Variants in FSTL5 observed in about 807,000 individuals in gnomAD.
FSTL5 encodes follistatin like 5.
A neutral mutation model predicts 89.1 loss-of-function variants in FSTL5; 62 were observed. That is an observed-to-expected ratio of 0.70 (90% CI 0.57 to 0.86). FSTL5 has a LOEUF of 0.86. Ranked by LOEUF, FSTL5 falls within the 40% of genes least tolerant of loss-of-function variation. The pLI, the probability that FSTL5 is intolerant of heterozygous loss-of-function variation, is 0.00. For missense variants in FSTL5, 1,057 were observed against 1,001.6 expected (o/e 1.06, Z -0.75); for synonymous variants, 383 against 346.2 (o/e 1.11, Z -1.18).
At chr4:161,608,664 T>C (rs918504230) in intron 7 of FSTL5, among the ~76,000 whole-genome samples, 1 of 152,070 alleles carries the variant, frequency 6.6e-6, no homozygotes, top group Non-Finnish European at 1.5e-5. Flanking sequence ...GTAAATGCAG[T>C]ATAATTTACA....
chr4:161,825,567 ATTG>A (rs1730642558), intron 4 of FSTL5, among the ~76,000 whole-genome samples: 1 of 151,848 alleles, frequency 6.6e-6, no homozygotes, highest in African/African-American at 2.4e-5. Flanking sequence ...AATATTGCTG[ATTG>A]TTATTTGTCT....
chr4:161,547,630 C>CA (rs1380851700), intron 8 of FSTL5, among the ~76,000 whole-genome samples: 11 of 151,670 alleles, frequency 7.3e-5, no homozygotes, highest in Non-Finnish European at 1.3e-4. Context: ...TATAGACATT[C>CA]AAAAAATCAC....
intron 15 of FSTL5, among the ~76,000 whole-genome samples, chr4:161,406,290 A>G (rs1048822966): frequency 6.6e-6 from 1 of 152,082 alleles, no homozygotes; most frequent in Non-Finnish European, 1.5e-5. Flanking sequence ...TTTTACTTAG[A>G]GTGTATTAAT....
chr4:161,587,869 T>C (rs1578947924), intron 7 of FSTL5, among the ~76,000 whole-genome samples: 1 of 152,186 alleles, frequency 6.6e-6, no homozygotes, highest in African/African-American at 2.4e-5. Flanking sequence ...TCTAATTTAG[T>C]TCCCATTTTT....
intron 10 of FSTL5, among the ~76,000 whole-genome samples, chr4:161,523,639 T>C (rs1317698078): frequency 6.6e-6 from 1 of 152,194 alleles, no homozygotes; most frequent in Non-Finnish European, 1.5e-5. Context: ...AGGAAGATAA[T>C]TGAAAACCCA....
At chr4:161,410,630 G>T (rs548840541) in intron 15 of FSTL5, among the ~76,000 whole-genome samples, 7 of 152,154 alleles carry the variant, frequency 4.6e-5, no homozygotes, top group Non-Finnish European at 8.8e-5. Context: ...AGAATTTCTG[G>T]ATGAAAACAG....
At chr4:162,138,447 ACT>A (rs1192675321) in intron 1 of FSTL5, among the ~76,000 whole-genome samples, 1 of 152,118 alleles carries the variant, frequency 6.6e-6, no homozygotes, top group Non-Finnish European at 1.5e-5. Flanking sequence ...TATGATAAAC[ACT>A]CTTACCAAAC....
chr4:162,010,712 C>T (rs56896355), intron 3 of FSTL5, among the ~76,000 whole-genome samples: 16,231 of 152,176 alleles, frequency 0.11, 901 homozygotes, highest in Non-Finnish European at 0.13. Flanking sequence ...TCGCCTCTTG[C>T]GTTTGGCTTC....
chr4:161,726,934 T>C (rs981092713), intron 6 of FSTL5, among the ~76,000 whole-genome samples: 1 of 150,858 alleles, frequency 6.6e-6, no homozygotes, highest in African/African-American at 2.4e-5. Flanking sequence ...TATATATGTA[T>C]ATGTAATTTA....
chr4:162,004,328 A>G (rs1259426939), intron 3 of FSTL5, among the ~76,000 whole-genome samples: 2 of 152,210 alleles, frequency 1.3e-5, no homozygotes, highest in African/African-American at 4.8e-5. Context: ...CCAATCCATT[A>G]CTAGGTCCCA....
intron 2 of FSTL5, among the ~76,000 whole-genome samples, chr4:162,103,270 A>G (rs1731075632): frequency 6.6e-6 from 1 of 152,214 alleles, no homozygotes; most frequent in African/African-American, 2.4e-5. Context: ...AACACATTCA[A>G]AGGTCAACAA....
rs528122889 is a variant in FSTL5, at chr4:161,692,066, GT to G, written c.728-35573del. 8.0e-5 allele frequency among the ~76,000 whole-genome samples: 12 copies of G among 150,126 alleles called. No homozygotes were observed. The South Asian group carries it at 8.5e-4, about 11-fold the overall frequency. On this transcript the variant is annotated intron_variant, in intron 6 of 15. Transcript: ENST00000306100. ...GAGAAATAGTTATTTCCTTTTGTAC[GT>G]TTTTTTTTCTTGACTAACTGTTTTC...
intron 7 of FSTL5, among the ~76,000 whole-genome samples, chr4:161,609,211 A>T (rs1278144412): frequency 1.3e-5 from 2 of 152,118 alleles, no homozygotes; most frequent in Non-Finnish European, 2.9e-5. Flanking sequence ...TGAATACATT[A>T]ATTATAATGT....
At chr4:162,140,629 A>G (rs964904578) in intron 1 of FSTL5, among the ~76,000 whole-genome samples, 2 of 152,214 alleles carry the variant, frequency 1.3e-5, no homozygotes, top group African/African-American at 4.8e-5. Flanking sequence ...CTTAGGTTTC[A>G]TAAGATCATT....
At chr4:162,026,304 C>CTTTTGTTTTTTTTTTTTTTTTTTTTTT (rs1737281823) in intron 3 of FSTL5, among the ~76,000 whole-genome samples, 1 of 79,472 alleles carries the variant, frequency 1.3e-5, no homozygotes, top group Non-Finnish European at 2.2e-5. Flanking sequence ...TATGTATTTT[C>CTTTTGTTTTTTTTTTTTTTTTTTTTTT]TTTTTTTTTT....
At chr4:161,469,226 C>T (rs764584388) in intron 13 of FSTL5, among the ~76,000 whole-genome samples, 1 of 152,132 alleles carries the variant, frequency 6.6e-6, no homozygotes. Context: ...CCTCAGATTA[C>T]ACCCATGTTG....
chr4:161,977,076 T>C (rs1735671946), intron 3 of FSTL5, among the ~76,000 whole-genome samples: 3 of 152,172 alleles, frequency 2.0e-5, no homozygotes, highest in Non-Finnish European at 4.4e-5. Context: ...CATGACATGT[T>C]ATTGTTAAAA....
intron 15 of FSTL5, among the ~76,000 whole-genome samples, chr4:161,399,923 G>A (rs944569478): frequency 3.3e-5 from 5 of 151,960 alleles, no homozygotes; most frequent in South Asian, 2.1e-4. Flanking sequence ...TGTGAATGGC[G>A]CTATGTACAG....
At chr4:161,559,643 C>G (rs1732518322) in intron 8 of FSTL5, among the ~76,000 whole-genome samples, 1 of 151,830 alleles carries the variant, frequency 6.6e-6, no homozygotes, top group Non-Finnish European at 1.5e-5. Flanking sequence ...TGTAAGCAAA[C>G]TGTTAATGGT....
Sources: gnomAD v4.1 joint callset for allele counts (sites outside exome capture counted in the v4.1 genomes callset) on GRCh38, gnomAD v4.1.1 for gene constraint, MANE v1.5 for transcripts, NCBI Gene and HGNC (gene_info 2026-07-23, HGNC 2026-07-21) for gene names.